ZMYM4: variants seen among roughly 807,000 people sequenced by gnomAD.
ZMYM4 encodes zinc finger MYM-type protein 4.
A neutral mutation model predicts 183.2 loss-of-function variants in ZMYM4; 31 were observed. That is an observed-to-expected ratio of 0.17 (90% CI 0.13 to 0.23). The LOEUF (loss-of-function observed/expected upper bound fraction) is 0.23. Among genes scored for constraint, ZMYM4 ranks in the 10% least tolerant of loss-of-function variants. The pLI, the probability that ZMYM4 is intolerant of heterozygous loss-of-function variation, is 1.00. For missense variants in ZMYM4, 1,273 were observed against 1,840.3 expected, an observed-to-expected ratio of 0.69 and a Z score of 5.64; for synonymous variants, 592 against 631.2, an observed-to-expected ratio of 0.94 and a Z score of 0.93.
At chr1:35,325,507 T>G in intron 2 of ZMYM4, 102 bp downstream of exon 2, 3 of 1,109,170 alleles carry the variant, frequency 2.7e-6, no homozygotes, top group Non-Finnish European at 3.8e-6. Flanking sequence ...AGGGCTGATT[T>G]ATGTGATGGT....
At chr1:35,394,087 C>G (rs1644760192) in intron 18 of ZMYM4, among the ~76,000 whole-genome samples, 1 of 148,130 alleles carries the variant, frequency 6.8e-6, no homozygotes, top group African/African-American at 2.5e-5. Context: ...TAGGTTTGAA[C>G]TACTCCACAG....
At chr1:35,353,060 C>T (rs1436253992) in intron 2 of ZMYM4, among the ~76,000 whole-genome samples, 6 of 152,196 alleles carry the variant, frequency 3.9e-5, no homozygotes, top group African/African-American at 1.4e-4. Context: ...GTGTGGTCCT[C>T]CCTTAGTGTT....
chr1:35,298,285 A>G (rs919191561), intron 1 of ZMYM4, among the ~76,000 whole-genome samples: 9 of 152,162 alleles, frequency 5.9e-5, no homozygotes, highest in African/African-American at 1.4e-4. Flanking sequence ...GTGTGCACCT[A>G]TGGTCCCAGC....
At chr1:35,403,163 G>C (rs1224311906) in intron 23 of ZMYM4, among the ~76,000 whole-genome samples, 1 of 152,104 alleles carries the variant, frequency 6.6e-6, no homozygotes, top group African/African-American at 2.4e-5. Flanking sequence ...TGTTAAAATG[G>C]TGAAATACAT....
At chr1:35,380,276 C>T (rs1425772166) in intron 7 of ZMYM4, among the ~76,000 whole-genome samples, 2 of 151,770 alleles carry the variant, frequency 1.3e-5, no homozygotes, top group African/African-American at 2.4e-5. Context: ...GAAAATTTCA[C>T]CAGTTTGAAA....
chr1:35,320,727 C>A (rs1186434329), intron 1 of ZMYM4, among the ~76,000 whole-genome samples: 1 of 152,180 alleles, frequency 6.6e-6, no homozygotes, highest in African/African-American at 2.4e-5. Context: ...AATTATAGGA[C>A]ACACAGTTGG....
intron 1 of ZMYM4, among the ~76,000 whole-genome samples, chr1:35,298,090 C>T (rs1641104963): frequency 6.6e-6 from 1 of 152,168 alleles, no homozygotes; most frequent in South Asian, 2.1e-4. Context: ...GCCAGCCCAC[C>T]AGCTTCAAGG....
intron 23 of ZMYM4, among the ~76,000 whole-genome samples, chr1:35,400,833 T>C (rs1220966614): frequency 6.6e-6 from 1 of 152,236 alleles, no homozygotes; most frequent in African/African-American, 2.4e-5. Flanking sequence ...GCTTTGCCTT[T>C]TCTGAAATTT....
At chr1:35,418,001 T>C (rs1325609075) in intron 28 of ZMYM4, among the ~76,000 whole-genome samples, 1 of 149,380 alleles carries the variant, frequency 6.7e-6, no homozygotes, top group Admixed American at 6.7e-5. Context: ...AGAGCAAAGT[T>C]CCGTCTCAAA....
At position 35,296,843 on chromosome 1, in the gene ZMYM4, C is replaced by CTTTCTTTT. The variant is rs1553163901; in HGVS notation, c.39+27761_39+27762insCTTTTTTT. Among the ~76,000 whole-genome samples, 83 of 95,602 alleles carry CTTTCTTTT rather than the reference C, an allele frequency of 8.7e-4. 2 individuals carry two copies. The East Asian group carries it at 0.013, about 15-fold the overall frequency. 62.7% of individuals were successfully genotyped at this position (95,602 alleles called of 152,430 possible). A position where few individuals can be genotyped will look rare whatever the true frequency, so the allele number is the denominator to read the frequency against. On this transcript the variant is annotated intron_variant, in intron 1 of 29. Transcript: ENST00000314607. ...ACCTTTTCTTTTTCTTTCTTTCTTTCTTTTTTTTTTTTTTTTTTTTTTGAG... is the reference window on the plus strand; with the variant it reads ...ACCTTTTCTTTTTCTTTCTTTCTTTCTTTCTTTTTTTTTTTTTTTTTTTTTTTTTTGAG...
chr1:35,351,221 T>C (rs1004576042), intron 2 of ZMYM4: 3 of 1,457,778 alleles, frequency 2.1e-6, no homozygotes, highest in African/African-American at 1.4e-5. Flanking sequence ...GCGCTGTGGA[T>C]GGAGGCTTGT....
chr1:35,393,873 C>CGGGGATGCTGTG, intron 18 of ZMYM4, 134 bp downstream of exon 18: 1 of 1,022,794 alleles, frequency 9.8e-7, no homozygotes, highest in Non-Finnish European at 1.3e-6. Flanking sequence ...TTAGTTCTCA[C>CGGGGATGCTGTG]AGCATCCCCG....
intron 2 of ZMYM4, among the ~76,000 whole-genome samples, chr1:35,358,416 G>C (rs1434993366): frequency 6.6e-6 from 1 of 152,078 alleles, no homozygotes; most frequent in Non-Finnish European, 1.5e-5. Flanking sequence ...CCAAAGACCT[G>C]AGTGCTAATC....
rs1042078604 is a variant in ZMYM4, at chr1:35,420,012, C to T, written c.*335C>T. ...GTTGTATAAAACTTTACCATAGTAA[C>T]CTTAGACCTTAGAGAGGTAGCTTTG... On this transcript the variant is annotated 3_prime_UTR_variant, in exon 30 of 30. Coordinates refer to ENST00000314607, the MANE Select transcript of ZMYM4 (RefSeq NM_005095.3). The T allele has an allele frequency of 1.8e-5, 6 of 328,638 alleles. No homozygotes were observed. Among genetic ancestry groups the T allele is most frequent in the Non-Finnish European group, 3.0e-5 (5 of 169,116 alleles). 20.4% of individuals were successfully genotyped at this position (328,638 alleles called of 1,614,324 possible).
chr1:35,298,549 C>T (rs1188549256), intron 1 of ZMYM4, among the ~76,000 whole-genome samples: 1 of 152,066 alleles, frequency 6.6e-6, no homozygotes, highest in African/African-American at 2.4e-5. Context: ...GGAGTGCTGA[C>T]AAAACTTGTC....
chr1:35,370,824 G>A (rs1644191938), intron 7 of ZMYM4, 197 bp downstream of exon 7: 1 of 565,058 alleles, frequency 1.8e-6, no homozygotes, highest in Non-Finnish European at 2.6e-6. Context: ...TGCTCAGCTT[G>A]TTTTTTAGCT....
At chr1:35,373,703 A>G (rs1282640585) in intron 7 of ZMYM4, among the ~76,000 whole-genome samples, 1 of 150,910 alleles carries the variant, frequency 6.6e-6, no homozygotes, top group African/African-American at 2.4e-5. Context: ...CTGCACGGCT[A>G]ATTTTTTATA....
rs1157794867 is a variant in ZMYM4, at chr1:35,389,924, C to T, written c.2437-24C>T. The T allele has an allele frequency of 6.3e-7, 1 of 1,593,752 alleles. No homozygotes were observed. Among genetic ancestry groups the T allele is most frequent in the Admixed American group, 1.7e-5 (1 of 58,648 alleles). On this transcript the variant is annotated intron_variant, in intron 14 of 29. Transcript: ENST00000314607. The surrounding 1 kb of genome is among the most constrained non-coding windows in gnomAD (Gnocchi z 4.0). ...GACCACAGATAATTTGTTTCTTACTCCTTGACTACCTTCTTCTTTTTAGAT... is the reference window on the plus strand; with the variant it reads ...GACCACAGATAATTTGTTTCTTACTTCTTGACTACCTTCTTCTTTTTAGAT...
At chr1:35,371,813 A>G (rs1252020961) in intron 7 of ZMYM4, among the ~76,000 whole-genome samples, 2 of 152,190 alleles carry the variant, frequency 1.3e-5, no homozygotes, top group Non-Finnish European at 2.9e-5. Context: ...TGATATGCAC[A>G]TCGTTTATGC....
Sources: allele counts gnomAD v4.1 joint callset (sites outside exome capture counted in the v4.1 genomes callset), GRCh38; gene constraint gnomAD v4.1.1; non-coding constraint Gnocchi (gnomAD v3.1); transcripts MANE v1.5; gene names NCBI Gene and HGNC (gene_info 2026-07-23, HGNC 2026-07-21).